The following TMEM131 variants were observed in gnomAD, a reference collection of about 807,000 sequenced individuals.
TMEM131 encodes the protein transmembrane protein 131.
TMEM131 carries 66 observed loss-of-function variants against 211.6 expected under a neutral mutation model. The ratio of observed to expected loss-of-function variants is 0.31; its 90% CI spans 0.26 to 0.38. The LOEUF (loss-of-function observed/expected upper bound fraction) is 0.38, where lower values mean the gene tolerates loss of function less well. Ranked by LOEUF, TMEM131 falls within the 10% of genes least tolerant of loss-of-function variation. The pLI is 1.00. For missense variants in TMEM131, 2,036 were observed against 2,299.3 expected, an observed-to-expected ratio of 0.89 and a Z score of 2.34; for synonymous variants, 844 against 841.3, an observed-to-expected ratio of 1.00 and a Z score of -0.06.
chr2:97,915,266 T>C (rs1173396853), intron 2 of TMEM131, among the ~76,000 whole-genome samples: 3 of 152,220 alleles, frequency 2.0e-5, no homozygotes, highest in Non-Finnish European at 4.4e-5. Context: ...GCAAATATTT[T>C]CTCCTAGTCT....
At chr2:97,922,387 GA>G (rs886222843) in intron 2 of TMEM131, among the ~76,000 whole-genome samples, 9 of 151,846 alleles carry the variant, frequency 5.9e-5, no homozygotes, top group Non-Finnish European at 1.0e-4. Context: ...TAATCCCTCA[GA>G]AAAAAATCAT....
At position 97,995,785 on chromosome 2, in the gene TMEM131, C is replaced by A; in HGVS notation, c.-123G>T. ...CGCCGGGAGCGACAACGGTTGCGAG[C>A]CCGGGGCTCGATCTCCGAGCGTGGG... On this transcript the variant is annotated 5_prime_UTR_variant, in exon 1 of 41. Transcript: ENST00000186436. The A allele has an allele frequency of 2.9e-6, 2 of 681,486 alleles. No homozygotes were observed. The highest frequency in any genetic ancestry group is 3.9e-6 in the Non-Finnish European group (2 of 519,128). 42.2% of individuals were successfully genotyped at this position (681,486 alleles called of 1,614,324 possible).
intron 11 of TMEM131, among the ~76,000 whole-genome samples, chr2:97,823,364 T>C (rs985429395): frequency 6.6e-5 from 10 of 152,154 alleles, no homozygotes; most frequent in African/African-American, 2.4e-4. Context: ...AAGGCAGACC[T>C]GGGGAAGCTT....
intron 1 of TMEM131, among the ~76,000 whole-genome samples, chr2:97,966,234 T>C (rs1679050899): frequency 6.6e-6 from 1 of 151,860 alleles, no homozygotes; most frequent in South Asian, 2.1e-4. Flanking sequence ...CAACATAACT[T>C]AGCAGTAGTT....
intron 31 of TMEM131, among the ~76,000 whole-genome samples, chr2:97,781,263 C>T (rs2104840163): frequency 6.6e-6 from 1 of 152,354 alleles, no homozygotes; most frequent in Non-Finnish European, 1.5e-5. Context: ...TGCTCAGCAG[C>T]ATCTGCCAGG....
intron 31 of TMEM131, among the ~76,000 whole-genome samples, chr2:97,791,570 C>T (rs572082269): frequency 1.1e-3 from 162 of 152,290 alleles, no homozygotes; most frequent in Non-Finnish European, 2.0e-3. Context: ...CCTGTGTGAA[C>T]GTGGAAGCAG....
In TMEM131 at chr2:97,814,408, G is replaced by A. The variant is rs1480811665; in HGVS notation, c.1293-20C>T. The A allele has an allele frequency of 1.3e-6, 2 of 1,554,888 alleles. No homozygotes were observed. The highest frequency in any genetic ancestry group is 1.7e-6 in the Non-Finnish European group (2 of 1,150,806). On this transcript the variant is annotated intron_variant, in intron 13 of 40. Transcript: ENST00000186436. Reference sequence around the variant, plus strand: ...AAATAACTATTAAAAAAAACAACAAGAACAAAATAAATCATTTTTATTTCC... The same window carrying A: ...AAATAACTATTAAAAAAAACAACAAAAACAAAATAAATCATTTTTATTTCC...
chr2:97,768,454 T>C (rs2104788943), intron 33 of TMEM131, among the ~76,000 whole-genome samples: 1 of 149,456 alleles, frequency 6.7e-6, no homozygotes, highest in Admixed American at 6.6e-5. Context: ...TAAAAGTAAT[T>C]GGTTTTTAAG....
intron 1 of TMEM131, among the ~76,000 whole-genome samples, chr2:97,928,446 CA>C (rs1199394251): frequency 6.6e-6 from 1 of 151,596 alleles, no homozygotes; most frequent in Admixed American, 6.6e-5. Flanking sequence ...AACTTCACAG[CA>C]CAAAAAGTGA....
At chr2:97,904,866 T>A (rs1490909719) in intron 3 of TMEM131, among the ~76,000 whole-genome samples, 1 of 152,018 alleles carries the variant, frequency 6.6e-6, no homozygotes, top group Admixed American at 6.6e-5. Context: ...TAACTTCAAA[T>A]AATATTGTAC....
At chr2:97,909,860 G>A (rs1425528019) in intron 2 of TMEM131, among the ~76,000 whole-genome samples, 1 of 152,128 alleles carries the variant, frequency 6.6e-6, no homozygotes, top group Non-Finnish European at 1.5e-5. Flanking sequence ...TTGAGTCTGG[G>A]TGGTAAATGA....
chr2:97,930,472 G>A (rs1288361252), intron 1 of TMEM131, among the ~76,000 whole-genome samples: 1 of 151,690 alleles, frequency 6.6e-6, no homozygotes, highest in African/African-American at 2.4e-5. Context: ...AAATATGAAT[G>A]TTAGTTAAAA....
At chr2:97,970,651 C>G (rs1679257214) in intron 1 of TMEM131, among the ~76,000 whole-genome samples, 1 of 152,182 alleles carries the variant, frequency 6.6e-6, no homozygotes, top group African/African-American at 2.4e-5. Context: ...GGTGGAAGAG[C>G]AGGTGCTCTG....
At chr2:97,848,015 G>A (rs1234018847) in intron 5 of TMEM131, among the ~76,000 whole-genome samples, 1 of 152,024 alleles carries the variant, frequency 6.6e-6, no homozygotes, top group Non-Finnish European at 1.5e-5. Flanking sequence ...CAAAATTGGA[G>A]GATTCATAGT....
At chr2:97,947,248 A>G (rs909728889) in intron 1 of TMEM131, among the ~76,000 whole-genome samples, 1 of 151,536 alleles carries the variant, frequency 6.6e-6, no homozygotes, top group Non-Finnish European at 1.5e-5. Flanking sequence ...AAACGCAAAG[A>G]AAAAAAAAGT....
chr2:97,816,460 T>C (rs1400078931), intron 12 of TMEM131, among the ~76,000 whole-genome samples: 1 of 152,248 alleles, frequency 6.6e-6, no homozygotes, highest in Non-Finnish European at 1.5e-5. Flanking sequence ...AAGCTGTTTA[T>C]GTTTATCCTC....
chr2:97,921,908 A>T (rs1193449716), intron 2 of TMEM131, among the ~76,000 whole-genome samples: 1 of 152,228 alleles, frequency 6.6e-6, no homozygotes, highest in African/African-American at 2.4e-5. Context: ...CACTTTACAA[A>T]GTTGTTGCAG....
intron 31 of TMEM131, among the ~76,000 whole-genome samples, chr2:97,781,311 T>G (rs1410313278): frequency 1.3e-5 from 2 of 152,222 alleles, no homozygotes; most frequent in Non-Finnish European, 2.9e-5. Flanking sequence ...AACAGTGAAA[T>G]ATACCAATGC....
In TMEM131 at chr2:97,983,471, G is replaced by T. The variant is rs150932326; in HGVS notation, c.187+12005C>A. Among the ~76,000 whole-genome samples, 1,515 of 152,246 alleles carry T rather than the reference G, an allele frequency of 1.0e-2. 14 individuals carry two copies. Among genetic ancestry groups the T allele is most frequent in the South Asian group, 0.024 (114 of 4,824 alleles). On this transcript the variant is annotated intron_variant, in intron 1 of 40. Coordinates refer to ENST00000186436, the MANE Select transcript of TMEM131 (RefSeq NM_015348.2). ...AGTTCCTGTCTAGGCGCCACTAAGG[G>T]CTGCATAATCTGCAATTGTCTTGCT...
Sources: gnomAD v4.1 joint callset for allele counts (sites outside exome capture counted in the v4.1 genomes callset) on GRCh38, gnomAD v4.1.1 for gene constraint, MANE v1.5 for transcripts, NCBI Gene and HGNC (gene_info 2026-07-23, HGNC 2026-07-21) for gene names.